Variants in WAPL observed in about 807,000 individuals in gnomAD.
The protein encoded by WAPL is wings apart-like protein homolog.
In WAPL, 5 loss-of-function variants were observed where a neutral mutation model predicts 121.0. That is an observed-to-expected ratio of 0.04 (90% CI 0.02 to 0.09). The LOEUF is 0.09. WAPL is among the 10% of genes least tolerant of loss of function. WAPL has a pLI of 1.00. For missense variants in WAPL, 999 were observed against 1,410.8 expected (o/e 0.71, Z 4.68); for synonymous variants, 480 against 481.5 (o/e 1.00, Z 0.04).
At chr10:86,513,885 TA>T (rs1224781792) in intron 2 of WAPL, among the ~76,000 whole-genome samples, 1 of 151,426 alleles carries the variant, frequency 6.6e-6, no homozygotes, top group Non-Finnish European at 1.5e-5. Flanking sequence ...AATGAGTTGT[TA>T]AAATTTGCAA....
chr10:86,462,542 A>G (rs955060802), intron 9 of WAPL, among the ~76,000 whole-genome samples: 14 of 151,972 alleles, frequency 9.2e-5, no homozygotes, highest in Non-Finnish European at 1.8e-4. Flanking sequence ...CAACATGGTA[A>G]AACCCCATCT....
intron 2 of WAPL, 146 bp downstream of exon 2, chr10:86,517,425 T>C (rs1483373547): frequency 1.6e-6 from 2 of 1,237,496 alleles, no homozygotes; most frequent in African/African-American, 3.0e-5. Flanking sequence ...TTAAAGTTCT[T>C]AAATGTCTTT....
chr10:86,446,885 C>T (rs1162390414), intron 15 of WAPL, among the ~76,000 whole-genome samples: 1 of 152,136 alleles, frequency 6.6e-6, no homozygotes, highest in Non-Finnish European at 1.5e-5. Context: ...AAAGAATTGC[C>T]TGAAAATCAA....
At chr10:86,449,010 C>T (rs7101220) in intron 15 of WAPL, among the ~76,000 whole-genome samples, 146,484 of 152,322 alleles carry the variant, frequency 0.96, 70,580 homozygotes, top group East Asian at 1. Context: ...GGAAATAGAT[C>T]TGTGGAGTTT....
rs529795073 is a variant in WAPL at position 86,461,346 on chromosome 10, T to C, written c.2371-59A>G. ...CTTTTAGCAATAACTCTAGAAATTGTTTCTCTTTACAAAAATTTACTGCAT... is the reference window on the plus strand; with the variant it reads ...CTTTTAGCAATAACTCTAGAAATTGCTTCTCTTTACAAAAATTTACTGCAT... On this transcript the variant is annotated intron_variant, in intron 9 of 18. Transcript: ENST00000298767. 3.1e-5 allele frequency: 43 copies of C among 1,400,798 alleles called. No homozygotes were observed. In the African/African-American group the frequency reaches 5.6e-4, roughly 18 times the overall value. The allele number at this position is 1,400,798 out of a possible 1,614,324, so 86.8% of individuals were successfully genotyped here.
chr10:86,521,722 C>A lies in WAPL; in HGVS notation c.-380G>T, dbSNP rs1217590254. The A allele has an allele frequency of 2.2e-6, 1 of 457,180 alleles. No homozygotes were observed. The highest frequency in any genetic ancestry group is 1.6e-5 in the South Asian group (1 of 62,672). The allele number at this position is 457,180 out of a possible 1,614,324, so 28.3% of individuals were successfully genotyped here. On this transcript the variant is annotated 5_prime_UTR_variant, in exon 1 of 19. The change creates a new upstream start codon in the 5' untranslated region. Transcript: ENST00000298767. ...TCAGTGCTGGAGTTTGAACAGGGCC[C>A]TGAACCATCTCAACGCCATTTGCGC... is the stretch of plus-strand genomic sequence containing the variant.
Position 86,443,266 on chromosome 10 carries a change from T to C in WAPL, c.3411+9A>G, listed in dbSNP as rs527632909. 7 of 1,599,410 alleles carry C rather than the reference T, an allele frequency of 4.4e-6. No individual in the cohort carries two copies. The highest frequency in any genetic ancestry group is 5.1e-6 in the Non-Finnish European group (6 of 1,166,778). ...AGATACATAAAACATCACTGAACTA[T>C]GTACTTACTGGACTTTCCTGGCAGA... On this transcript the variant is annotated intron_variant, in intron 17 of 18. Transcript: ENST00000298767.
chr10:86,462,788 C>T (rs1214911572), intron 9 of WAPL, among the ~76,000 whole-genome samples: 1 of 147,084 alleles, frequency 6.8e-6, no homozygotes, highest in Non-Finnish European at 1.5e-5. Context: ...TCCAATACCA[C>T]AAAAACAGAT....
Position 86,437,875 on chromosome 10 carries a change from T to C in WAPL, c.3507+45A>G, listed in dbSNP as rs1439163299. 5 of 1,407,886 alleles carry C rather than the reference T, an allele frequency of 3.6e-6. No homozygotes were observed. In the South Asian group the frequency reaches 4.7e-5, roughly 13 times the overall value. 87.2% of individuals were successfully genotyped at this position (1,407,886 alleles called of 1,614,324 possible). Reference sequence around the variant, plus strand: ...AGTATTTTTATGTCTACTGTCAATGTATTATAAATTTAAAATCATATAAGC... The same window carrying C: ...AGTATTTTTATGTCTACTGTCAATGCATTATAAATTTAAAATCATATAAGC... On this transcript the variant is annotated intron_variant, in intron 18 of 18. Transcript: ENST00000298767.
At chr10:86,478,472 G>A (rs1440446687) in intron 4 of WAPL, among the ~76,000 whole-genome samples, 1 of 152,174 alleles carries the variant, frequency 6.6e-6, no homozygotes, top group East Asian at 1.9e-4. Context: ...GTAAATTAAT[G>A]AGAAAAATAC....
rs372381269 is a variant in WAPL at position 86,499,864 on chromosome 10, T to C, written c.1379A>G (p.Glu460Gly). 1.2e-6 allele frequency: 2 copies of C among 1,613,978 alleles called. No individual in the cohort carries two copies. Among genetic ancestry groups the C allele is most frequent in the Non-Finnish European group, 1.7e-6 (2 of 1,180,010 alleles). ...IKYFGFDDLS[E>G]SEDDEDDDCQ... ...GTCATCATCTTCATCATCTTCGCTTTCACTGAGATCATCAAAGCCAAAATA... is the reference window on the plus strand; with the variant it reads ...GTCATCATCTTCATCATCTTCGCTTCCACTGAGATCATCAAAGCCAAAATA... Residue 460 changes from glutamate to glycine, a missense_variant, in exon 3 of 19, where the codon GAA (glutamate) becomes GGA (glycine). By Grantham distance (98) the Glu-to-Gly change is moderately conservative (BLOSUM62 -2). Around this residue, in one of 7 missense-constraint regions of WAPL, gnomAD observed 531 missense variants for 563.1 expected, o/e 0.94. Coordinates refer to ENST00000298767, the MANE Select transcript of WAPL (RefSeq NM_015045.5).
intron 2 of WAPL, among the ~76,000 whole-genome samples, chr10:86,515,054 G>A (rs982824193): frequency 1.3e-4 from 20 of 152,180 alleles, no homozygotes; most frequent in Non-Finnish European, 2.9e-4. Flanking sequence ...GAGGTCAGGA[G>A]TTCTAGACCA....
Position 86,437,427 on chromosome 10 carries a change from G to A in WAPL, c.*116C>T, listed in dbSNP as rs1447615948. 1.9e-5 allele frequency: 21 copies of A among 1,089,966 alleles called. No homozygotes were observed. In the East Asian group the frequency reaches 2.9e-4, roughly 15 times the overall value. 67.5% of individuals were successfully genotyped at this position (1,089,966 alleles called of 1,614,324 possible). A position where few individuals can be genotyped will look rare whatever the true frequency, so the allele number is the denominator to read the frequency against. On this transcript the variant is annotated 3_prime_UTR_variant, in exon 19 of 19. Coordinates refer to ENST00000298767, the MANE Select transcript of WAPL (RefSeq NM_015045.5). ...CAGGTGGCCTTAAAAATCCAAACAC[G>A]AATGATACTGATGAATGTTCTTGGT...
At chr10:86,481,567 T>C (rs1018700536) in intron 4 of WAPL, among the ~76,000 whole-genome samples, 1 of 151,998 alleles carries the variant, frequency 6.6e-6, no homozygotes, top group African/African-American at 2.4e-5. Flanking sequence ...GAGACGGGGT[T>C]TATCCATGTT....
rs1841553933 is a variant in WAPL, at chr10:86,472,426, G to T, written c.1894-82C>A. 1 of 1,540,608 alleles carries T rather than the reference G, an allele frequency of 6.5e-7. No homozygotes were observed. Among genetic ancestry groups the T allele is most frequent in the Non-Finnish European group, 8.7e-7 (1 of 1,147,494 alleles). On this transcript the variant is annotated intron_variant, in intron 6 of 18. Coordinates refer to ENST00000298767, the MANE Select transcript of WAPL (RefSeq NM_015045.5). The surrounding 1 kb of genome is among the most constrained non-coding windows in gnomAD (Gnocchi z 4.2). ...TATGGGCTCACTGTACTTTACATAA[G>T]TGCATAAAATAGTTCATTAGATGGC...
intron 3 of WAPL, among the ~76,000 whole-genome samples, chr10:86,498,333 T>A (rs1842187525): frequency 6.6e-6 from 1 of 152,206 alleles, no homozygotes; most frequent in Admixed American, 6.5e-5. Flanking sequence ...GTGACTATAG[T>A]AAGGCTGCTG....
At position 86,515,864 on chromosome 10, in the gene WAPL, CTTTTTTTTT is replaced by C. The variant is rs377683656; in HGVS notation, c.499+1698_499+1706del. Among the ~76,000 whole-genome samples, 5 of 101,148 alleles carry C rather than the reference CTTTTTTTTT, an allele frequency of 4.9e-5. No homozygotes were observed. The South Asian group carries it at 1.1e-3, about 22-fold the overall frequency. 66.4% of individuals were successfully genotyped at this position (101,148 alleles called of 152,430 possible). A position where few individuals can be genotyped will look rare whatever the true frequency, so the allele number is the denominator to read the frequency against. On this transcript the variant is annotated intron_variant, in intron 2 of 18. Transcript: ENST00000298767. The stretch of plus-strand genomic sequence containing the variant: ...GAAACAGTTTTTATGCTGTCTATGC[CTTTTTTTTT>C]TTTTTTTTTTGAGATGGCATCTTGC...
intron 4 of WAPL, among the ~76,000 whole-genome samples, chr10:86,480,424 A>G (rs1048885136): frequency 1.3e-5 from 2 of 152,236 alleles, no homozygotes; most frequent in African/African-American, 4.8e-5. Context: ...GCAAAAAACC[A>G]TAAAATTCAG....
chr10:86,503,030 C>T (rs368717532), intron 2 of WAPL, among the ~76,000 whole-genome samples: 2 of 152,120 alleles, frequency 1.3e-5, no homozygotes, highest in East Asian at 1.9e-4. Flanking sequence ...TGGTGGCGGG[C>T]GCCTGTAGTC....
Sources: allele counts gnomAD v4.1 joint callset (sites outside exome capture counted in the v4.1 genomes callset), GRCh38; gene constraint gnomAD v4.1.1; regional missense constraint gnomAD v4.1.1; non-coding constraint Gnocchi (gnomAD v3.1); transcripts MANE v1.5; gene names NCBI Gene and HGNC (gene_info 2026-07-23, HGNC 2026-07-21).